Variants in SEPTIN9 observed in about 807,000 individuals in gnomAD.
The protein encoded by SEPTIN9 is septin 9.
SEPTIN9 carries 13 observed loss-of-function variants against 56.6 expected under a neutral mutation model. That is an observed-to-expected ratio of 0.23 (90% CI 0.15 to 0.37). SEPTIN9 has a LOEUF of 0.37. SEPTIN9 is among the 10% of genes least tolerant of loss of function. The pLI is 1.00. For synonymous variants in SEPTIN9, 332 were observed against 334.1 expected (o/e 0.99, Z 0.07); for missense variants, 650 against 823.1 (o/e 0.79, Z 2.57).
In SEPTIN9 at chr17:77,434,122, C is replaced by T. The variant is rs956900471; in HGVS notation, c.721+31419C>T. 5.3e-5 allele frequency among the ~76,000 whole-genome samples: 8 copies of T among 152,228 alleles called. No individual in the cohort carries two copies. Among genetic ancestry groups the T allele is most frequent in the East Asian group, 1.9e-4 (1 of 5,190 alleles). On this transcript the variant is annotated intron_variant, in intron 3 of 11. Transcript: ENST00000427177. The surrounding 1 kb of genome is among the most constrained non-coding windows in gnomAD (Gnocchi z 5.0). ...GTGGGCTGGGGATCTGTGTTGGGGT[C>T]TCCAGGAGGCCCTTGGTGGGAGAGG... is the stretch of plus-strand genomic sequence containing the variant.
At chr17:77,489,877 C>T (rs414340) in intron 7 of SEPTIN9, among the ~76,000 whole-genome samples, 84,407 of 151,914 alleles carry the variant, frequency 0.56, 24,833 homozygotes, top group African/African-American at 0.77. Flanking sequence ...GAACGGCTCA[C>T]CTGCGGTCCT....
Position 77,482,429 on chromosome 17 carries a change from C to A in SEPTIN9, c.913+94C>A, listed in dbSNP as rs999072667. 4 of 1,281,372 alleles carry A rather than the reference C, an allele frequency of 3.1e-6. No homozygotes were observed. The South Asian group carries it at 3.7e-5, about 12-fold the overall frequency. 79.4% of individuals were successfully genotyped at this position (1,281,372 alleles called of 1,614,324 possible). A position where few individuals can be genotyped will look rare whatever the true frequency, so the allele number is the denominator to read the frequency against. ...AAGCCTTTGGGCTTGGTCTTCCCTT[C>A]TGTAAAATGGGGCAGCAACCCTGAC... On this transcript the variant is annotated intron_variant, in intron 4 of 11. Coordinates refer to ENST00000427177, the MANE Select transcript of SEPTIN9 (RefSeq NM_001113491.2).
chr17:77,439,536 A>AC (rs1400790086), intron 3 of SEPTIN9, among the ~76,000 whole-genome samples: 6 of 152,144 alleles, frequency 3.9e-5, no homozygotes, highest in Admixed American at 3.9e-4. Flanking sequence ...CCGCAGCTGC[A>AC]CCCTGTGGCC....
intron 2 of SEPTIN9, among the ~76,000 whole-genome samples, chr17:77,331,344 T>C (rs2033344970): frequency 6.6e-6 from 1 of 152,022 alleles, no homozygotes; most frequent in African/African-American, 2.4e-5. Flanking sequence ...CACTGGGGCT[T>C]ATGCTCCTCC....
intron 2 of SEPTIN9, among the ~76,000 whole-genome samples, chr17:77,393,345 C>T (rs1395409799): frequency 1.3e-5 from 2 of 152,268 alleles, no homozygotes; most frequent in South Asian, 2.1e-4. Context: ...TCACTCCTTC[C>T]AGCCTTCCGA....
intron 3 of SEPTIN9, among the ~76,000 whole-genome samples, chr17:77,463,773 G>A (rs2038587395): frequency 6.6e-6 from 1 of 152,048 alleles, no homozygotes; most frequent in African/African-American, 2.4e-5. Flanking sequence ...AACCCGGGAG[G>A]CAGAGGTTGC....
intron 3 of SEPTIN9, among the ~76,000 whole-genome samples, chr17:77,480,404 T>C (rs980260237): frequency 6.6e-6 from 1 of 152,174 alleles, no homozygotes; most frequent in Admixed American, 6.5e-5. Flanking sequence ...ATGGCTTGAA[T>C]CGGCTGGGGA....
At chr17:77,455,902 T>C (rs2038179645) in intron 3 of SEPTIN9, among the ~76,000 whole-genome samples, 4 of 152,182 alleles carry the variant, frequency 2.6e-5, no homozygotes, top group Non-Finnish European at 1.5e-5. Flanking sequence ...GCACAAGGTC[T>C]CCTTGGGGGG....
At chr17:77,452,656 T>G (rs1163280322) in intron 3 of SEPTIN9, among the ~76,000 whole-genome samples, 1 of 151,886 alleles carries the variant, frequency 6.6e-6, no homozygotes, top group Non-Finnish European at 1.5e-5. Context: ...TTGGTTTGGA[T>G]CCCACATGAG....
intron 2 of SEPTIN9, among the ~76,000 whole-genome samples, chr17:77,349,226 C>T (rs2033981941): frequency 6.6e-6 from 1 of 152,188 alleles, no homozygotes; most frequent in Non-Finnish European, 1.5e-5. Flanking sequence ...AAACGATTCT[C>T]CTGCCTCAGC....
chr17:77,352,619 C>A (rs2034103218), intron 2 of SEPTIN9, among the ~76,000 whole-genome samples: 1 of 152,058 alleles, frequency 6.6e-6, no homozygotes, highest in Non-Finnish European at 1.5e-5. Context: ...TGGCCTTCAC[C>A]CTGTGTCTCT....
intron 2 of SEPTIN9, among the ~76,000 whole-genome samples, chr17:77,350,258 G>A (rs953837019): frequency 1.3e-5 from 2 of 152,222 alleles, no homozygotes; most frequent in African/African-American, 2.4e-5. Context: ...AGCCTGTTGA[G>A]CCCTCCTTCC....
At chr17:77,359,021 C>T (rs560259764) in intron 2 of SEPTIN9, among the ~76,000 whole-genome samples, 48 of 152,280 alleles carry the variant, frequency 3.2e-4, no homozygotes, top group African/African-American at 1.0e-3. Context: ...GGTTCCAGCT[C>T]CTGCCGTCAT....
At position 77,418,487 on chromosome 17, in the gene SEPTIN9, C is replaced by T. The variant is rs374996329; in HGVS notation, c.721+15784C>T. Among the ~76,000 whole-genome samples, 4 of 152,278 alleles carry T rather than the reference C, an allele frequency of 2.6e-5. No homozygotes were observed. In the East Asian group the frequency reaches 5.8e-4, roughly 22 times the overall value. Reference sequence around the variant, plus strand: ...CCTCCTGAGTAGCTGGGACTACAGGCGCGTGTCACCATGGCAGGCTAGTTT... The same window carrying T: ...CCTCCTGAGTAGCTGGGACTACAGGTGCGTGTCACCATGGCAGGCTAGTTT... On this transcript the variant is annotated intron_variant, in intron 3 of 11. Transcript: ENST00000427177.
intron 3 of SEPTIN9, among the ~76,000 whole-genome samples, chr17:77,452,721 G>A (rs957474256): frequency 6.6e-6 from 1 of 151,920 alleles, no homozygotes; most frequent in African/African-American, 2.4e-5. Context: ...TAATAATGCT[G>A]TGGGTTTTCC....
At position 77,492,852 on chromosome 17, in the gene SEPTIN9, C is replaced by T; in HGVS notation, c.1477-128C>T. ...GGGCACTGAGCCCAGGTGTCTGTACCCAGTGCTGTCAGGCTGAGGCTCTCG... is the reference window on the plus strand; with the variant it reads ...GGGCACTGAGCCCAGGTGTCTGTACTCAGTGCTGTCAGGCTGAGGCTCTCG... On this transcript the variant is annotated intron_variant, in intron 9 of 11. Transcript: ENST00000427177. The surrounding 1 kb of genome is among the most constrained non-coding windows in gnomAD (Gnocchi z 5.4). 3 of 1,190,100 alleles carry T rather than the reference C, an allele frequency of 2.5e-6. No homozygotes were observed. In the South Asian group the frequency reaches 3.7e-5, roughly 15 times the overall value. The allele number at this position is 1,190,100 out of a possible 1,614,324, so 73.7% of individuals were successfully genotyped here.
chr17:77,484,580 A>AGTGG (rs2039610411), intron 4 of SEPTIN9, among the ~76,000 whole-genome samples: 1 of 106,302 alleles, frequency 9.4e-6, no homozygotes, highest in African/African-American at 4.0e-5. Context: ...GATGGTGGTT[A>AGTGG]TGATGGTGGT....
At chr17:77,338,452 T>C (rs2033624339) in intron 2 of SEPTIN9, among the ~76,000 whole-genome samples, 1 of 152,002 alleles carries the variant, frequency 6.6e-6, no homozygotes. Flanking sequence ...AGAGTCTTGC[T>C]CTATTGCCCA....
At position 77,326,446 on chromosome 17, in the gene SEPTIN9, G is replaced by C. The variant is rs2033144499; in HGVS notation, c.76+19249G>C. Reference sequence around the variant, plus strand: ...TGCCTCGGGGGGACACCTTCGGGCTGAGCGCAGAAGGATGAGGGGAGTAAA... The same window carrying C: ...TGCCTCGGGGGGACACCTTCGGGCTCAGCGCAGAAGGATGAGGGGAGTAAA... On this transcript the variant is annotated intron_variant, in intron 2 of 11. Transcript: ENST00000427177. This position sits in a 1 kb window ranked among gnomAD's most constrained non-coding sequence, Gnocchi z 5.1. Among the ~76,000 whole-genome samples the C allele has an allele frequency of 6.6e-6, 1 of 152,336 alleles. No individual in the cohort carries two copies. Among genetic ancestry groups the C allele is most frequent in the East Asian group, 1.9e-4 (1 of 5,178 alleles).
Sources: gnomAD v4.1 joint callset for allele counts (sites outside exome capture counted in the v4.1 genomes callset) on GRCh38, gnomAD v4.1.1 for gene constraint, Gnocchi (gnomAD v3.1) non-coding constraint, MANE v1.5 for transcripts, NCBI Gene and HGNC (gene_info 2026-07-23, HGNC 2026-07-21) for gene names.